The following ZNF324B variants were observed in gnomAD, a reference collection of about 807,000 sequenced individuals.
ZNF324B encodes the protein zinc finger protein 324B.
In ZNF324B, 7 loss-of-function variants were observed where a neutral mutation model predicts 10.6. That is an observed-to-expected ratio of 0.66 (90% CI 0.38 to 1.24). The LOEUF is 1.24. Ranked by LOEUF, ZNF324B falls within the 50% of genes most tolerant of loss-of-function variation. The pLI is 0.02. For synonymous variants in ZNF324B, 316 were observed against 321.0 expected (o/e 0.98, Z 0.17); for missense variants, 640 against 764.7 (o/e 0.84, Z 1.92).
chr19:58,445,551 C>T, the ZNF324B span: 3 of 508,228 alleles, frequency 5.9e-6, no homozygotes, highest in South Asian at 2.8e-5. Context: ...TGTGGTGGCT[C>T]ATGCCTGTAA....
upstream of ZNF324B, among the ~76,000 whole-genome samples, chr19:58,451,118 C>T (rs2052852592): frequency 6.6e-6 from 1 of 152,148 alleles, no homozygotes; most frequent in African/African-American, 2.4e-5. Context: ...GGACCTTAAA[C>T]CTTTACGGGA....
intron 3 of ZNF324B, chr19:58,454,851 AG>A (rs998080072): frequency 1.8e-4 from 95 of 533,996 alleles, no homozygotes; most frequent in African/African-American, 1.7e-3. Context: ...GCACCAGGGG[AG>A]AAGGGAGTGA....
the ZNF324B span, chr19:58,433,333 A>C: frequency 6.2e-7 from 1 of 1,611,372 alleles, no homozygotes; most frequent in African/African-American, 1.3e-5. Flanking sequence ...TCAGGTATGA[A>C]TCTTTTTATG....
In ZNF324B at chr19:58,457,793, A is replaced by AT. The variant is rs1555789381; in HGVS notation, c.*1214_*1215insT. The AT allele has an allele frequency of 6.6e-6, 1 of 152,174 alleles. No homozygotes were observed. Among genetic ancestry groups the AT allele is most frequent in the Non-Finnish European group, 1.5e-5 (1 of 68,040 alleles). 9.4% of individuals were successfully genotyped at this position (152,174 alleles called of 1,614,324 possible). A position where few individuals can be genotyped will look rare whatever the true frequency, so the allele number is the denominator to read the frequency against. On this transcript the variant is annotated 3_prime_UTR_variant, in exon 4 of 4. Transcript: ENST00000336614. The stretch of plus-strand genomic sequence containing the variant: ...TGGTCTTTTCAATGGAGAAAAAAAA[A>AT]GACTAGTATTTGCAACTTCAAATAG...
At chr19:58,418,725 T>C in the ZNF324B span, 1 of 152,262 alleles carries the variant, frequency 6.6e-6, no homozygotes, top group South Asian at 2.1e-4. Context: ...TCCTCCTGCT[T>C]CAGCGTATTG....
At chr19:58,427,444 T>TTCCTTCC in the ZNF324B span, among the ~76,000 whole-genome samples, 17 of 74,948 alleles carry the variant, frequency 2.3e-4, 2 homozygotes, top group African/African-American at 1.4e-3. Context: ...CCTTCCTTCC[T>TTCCTTCC]TTCCTTTCCC....
the ZNF324B span, chr19:58,435,135 G>C: frequency 8.7e-6 from 14 of 1,614,174 alleles, no homozygotes; most frequent in East Asian, 2.7e-4. Context: ...CTGCATTAGG[G>C]ATCCTGACCT....
At chr19:58,434,489 AAT>A in the ZNF324B span, 1 of 1,614,184 alleles carries the variant, frequency 6.2e-7, no homozygotes, top group South Asian at 1.1e-5. Context: ...ATGCACTCAT[AAT>A]ATTTTACTTC....
At chr19:58,440,383 G>A in the ZNF324B span, 3 of 154,064 alleles carry the variant, frequency 1.9e-5, no homozygotes, top group Non-Finnish European at 2.9e-5. Flanking sequence ...GCTGGCCATT[G>A]GCAGCCGAGG....
At chr19:58,428,943 A>C in the ZNF324B span, 1 of 152,250 alleles carries the variant, frequency 6.6e-6, no homozygotes, top group African/African-American at 2.4e-5. Flanking sequence ...GTAAAGTGGG[A>C]CATGCATTGG....
the ZNF324B span, chr19:58,442,300 C>G: frequency 1.4e-4 from 21 of 150,740 alleles, no homozygotes; most frequent in African/African-American, 4.7e-4. Context: ...TCCCGAGCAG[C>G]TGGGACTACA....
rs1220994604 is a variant in ZNF324B, at chr19:58,455,886, G to A, written c.942G>A (p.Ala314=). Residue 314 remains alanine, a synonymous_variant, in exon 4 of 4, where the codon GCG becomes GCA. Coordinates refer to ENST00000336614, the MANE Select transcript of ZNF324B (RefSeq NM_207395.3). The surrounding 1 kb of genome is among the most constrained non-coding windows in gnomAD (Gnocchi z 7.0). Reference sequence around the variant, plus strand: ...TCCACAGCGGCGAGACGCCCTACGCGTGCCCCGTGTGCGGCAAGGCCTTCC... The same window carrying A: ...TCCACAGCGGCGAGACGCCCTACGCATGCCCCGTGTGCGGCAAGGCCTTCC... ...QRIHSGETPY[A]CPVCGKAFRH... is the part of the protein sequence containing the mutation. 1.2e-6 allele frequency: 2 copies of A among 1,606,724 alleles called. No homozygotes were observed. Among genetic ancestry groups the A allele is most frequent in the Non-Finnish European group, 1.7e-6 (2 of 1,175,710 alleles).
chr19:58,450,464 CAA>C (rs35336344), upstream of ZNF324B, among the ~76,000 whole-genome samples: 93 of 104,858 alleles, frequency 8.9e-4, no homozygotes, highest in African/African-American at 1.5e-3. Context: ...GACCCTGTCT[CAA>C]AAAAAAAAAA....
At chr19:58,427,291 TTTTC>T in the ZNF324B span, among the ~76,000 whole-genome samples, 143 of 58,414 alleles carry the variant, frequency 2.4e-3, 2 homozygotes, top group South Asian at 0.016. Flanking sequence ...TGCCTGGCTT[TTTTC>T]TTTCTTTCTT....
the ZNF324B span, among the ~76,000 whole-genome samples, chr19:58,421,541 C>T: frequency 6.6e-6 from 1 of 152,018 alleles, no homozygotes; most frequent in African/African-American, 2.4e-5. Flanking sequence ...GCACCATGCC[C>T]GGCTAATTTT....
the ZNF324B span, chr19:58,437,712 T>G: frequency 1.0e-6 from 1 of 985,402 alleles, no homozygotes; most frequent in Non-Finnish European, 1.2e-6. Context: ...CATCTCACCA[T>G]GCACATGGCA....
the ZNF324B span, chr19:58,433,249 T>G: frequency 6.8e-7 from 1 of 1,472,218 alleles, no homozygotes; most frequent in Non-Finnish European, 9.2e-7. Context: ...ATTTTTCTGG[T>G]ATGGGGATTC....
chr19:58,427,974 C>A, the ZNF324B span, among the ~76,000 whole-genome samples: 6 of 152,184 alleles, frequency 3.9e-5, no homozygotes, highest in African/African-American at 1.2e-4. Flanking sequence ...TTAGCATCTT[C>A]CATATTGGAG....
At chr19:58,419,401 A>G in the ZNF324B span, 1 of 152,146 alleles carries the variant, frequency 6.6e-6, no homozygotes, top group Non-Finnish European at 1.5e-5. Context: ...AAGTGGGCAT[A>G]GAAATATTGA....
Sources: allele counts gnomAD v4.1 joint callset (sites outside exome capture counted in the v4.1 genomes callset), GRCh38; gene constraint gnomAD v4.1.1; non-coding constraint Gnocchi (gnomAD v3.1); transcripts MANE v1.5; gene names NCBI Gene and HGNC (gene_info 2026-07-23, HGNC 2026-07-21).